STX8: variants seen among roughly 807,000 people sequenced by gnomAD.
STX8 encodes syntaxin 8.
STX8 carries 23 observed loss-of-function variants against 37.5 expected under a neutral mutation model. The ratio of observed to expected loss-of-function variants is 0.61; its 90% CI spans 0.44 to 0.87. The LOEUF is 0.87. Ranked by LOEUF, STX8 falls within the 40% of genes least tolerant of loss-of-function variation. The pLI is 0.00. For synonymous variants in STX8, 115 were observed against 99.1 expected (o/e 1.16, Z -0.95); for missense variants, 313 against 284.7 (o/e 1.10, Z -0.71).
Position 9,373,972 on chromosome 17 carries a change from G to A in STX8, c.643+4580C>T, listed in dbSNP as rs896067991. ...AAAAAAAAAAGTTCTGGACAGCCTC[G>A]GCCACGAAGTGAGACTCTATCTCTA... On this transcript the variant is annotated intron_variant, in intron 7 of 7. Transcript: ENST00000306357. 3.5e-4 allele frequency among the ~76,000 whole-genome samples: 53 copies of A among 150,202 alleles called. 1 individual carries two copies. The highest frequency in any genetic ancestry group is 1.2e-3 in the African/African-American group (48 of 40,800).
intron 6 of STX8, among the ~76,000 whole-genome samples, chr17:9,412,031 T>G (rs1912996844): frequency 6.6e-6 from 1 of 152,128 alleles, no homozygotes; most frequent in Non-Finnish European, 1.5e-5. Context: ...GTTAAATATC[T>G]TTGTCATTAT....
chr17:9,427,901 T>A (rs931665768), intron 6 of STX8, among the ~76,000 whole-genome samples: 6 of 152,212 alleles, frequency 3.9e-5, no homozygotes, highest in African/African-American at 4.8e-5. Flanking sequence ...GCTGTAACTC[T>A]ACTCCGGCAA....
At chr17:9,428,888 C>T (rs988290803) in intron 6 of STX8, among the ~76,000 whole-genome samples, 3 of 152,076 alleles carry the variant, frequency 2.0e-5, no homozygotes, top group Admixed American at 6.6e-5. Flanking sequence ...TGGACAACAC[C>T]GGTCTATTCA....
At chr17:9,433,897 A>G (rs1010498104) in intron 6 of STX8, among the ~76,000 whole-genome samples, 2 of 152,184 alleles carry the variant, frequency 1.3e-5, no homozygotes, top group Non-Finnish European at 2.9e-5. Context: ...ATCATAAGCA[A>G]GGAGAACAGC....
At chr17:9,389,596 C>T (rs895639746) in intron 6 of STX8, among the ~76,000 whole-genome samples, 2 of 152,182 alleles carry the variant, frequency 1.3e-5, no homozygotes. Flanking sequence ...CATTTTTCTA[C>T]TCTCAATTAC....
At position 9,371,338 on chromosome 17, in the gene STX8, T is replaced by C. The variant is rs182892419; in HGVS notation, c.643+7214A>G. On this transcript the variant is annotated intron_variant, in intron 7 of 7. Coordinates refer to ENST00000306357, the MANE Select transcript of STX8 (RefSeq NM_004853.3). ...GCACCCAAGTCCTCTTAAACAGTGA[T>C]AGAATTGCCCTGTGAATGGTAATTG... Among the ~76,000 whole-genome samples, 6 of 152,316 alleles carry C rather than the reference T, an allele frequency of 3.9e-5. No individual in the cohort carries two copies. The South Asian group carries it at 8.3e-4, about 21-fold the overall frequency.
rs181217971 is a variant in STX8, at chr17:9,383,069, C to T, written c.542-4416G>A. Among the ~76,000 whole-genome samples, 1,449 of 152,240 alleles carry T rather than the reference C, an allele frequency of 9.5e-3. 22 individuals carry two copies. Among genetic ancestry groups the T allele is most frequent in the African/African-American group, 0.033 (1,362 of 41,540 alleles). The stretch of plus-strand genomic sequence containing the variant: ...TAGAGAGCATCCTCATTTCTTCCAC[C>T]ATGTGAAGTTACAATGAAGACAGCT... On this transcript the variant is annotated intron_variant, in intron 6 of 7. Transcript: ENST00000306357.
Position 9,291,591 on chromosome 17 carries a change from T to C in STX8, c.644-40946A>G, listed in dbSNP as rs149727717. 4.1e-3 allele frequency among the ~76,000 whole-genome samples: 628 copies of C among 152,322 alleles called. 3 individuals are homozygous for C. The highest frequency in any genetic ancestry group is 0.014 in the African/African-American group (563 of 41,548). ...CTCAAATATGGTATTAGTTTAGGAA[T>C]TGGACATATTTTATTTACGTTCTCT... On this transcript the variant is annotated intron_variant, in intron 7 of 7. Coordinates refer to ENST00000306357, the MANE Select transcript of STX8 (RefSeq NM_004853.3).
chr17:9,441,892 G>C (rs370197594), intron 6 of STX8, among the ~76,000 whole-genome samples: 2 of 151,664 alleles, frequency 1.3e-5, no homozygotes, highest in Admixed American at 6.6e-5. Flanking sequence ...AGCCAGGATG[G>C]TCTCAATCTC....
intron 6 of STX8, among the ~76,000 whole-genome samples, chr17:9,476,836 C>A (rs1906127309): frequency 6.6e-6 from 1 of 151,738 alleles, no homozygotes; most frequent in Non-Finnish European, 1.5e-5. Context: ...GTGTCTGTGT[C>A]CCACGTGCCT....
At chr17:9,483,077 C>G (rs1906415629) in intron 6 of STX8, among the ~76,000 whole-genome samples, 1 of 152,152 alleles carries the variant, frequency 6.6e-6, no homozygotes, top group South Asian at 2.1e-4. Context: ...TGTTGCTACT[C>G]TAACAAATTA....
At chr17:9,274,678 A>AAATAAT (rs57248368) in intron 7 of STX8, among the ~76,000 whole-genome samples, 9,918 of 106,354 alleles carry the variant, frequency 0.093, 786 homozygotes, top group Non-Finnish European at 0.13. Context: ...TCTGTCTCAA[A>AAATAAT]AATAATAATA....
chr17:9,282,213 A>G lies in STX8; in HGVS notation c.644-31568T>C, dbSNP rs557024627. On this transcript the variant is annotated intron_variant, in intron 7 of 7. Coordinates refer to ENST00000306357, the MANE Select transcript of STX8 (RefSeq NM_004853.3). ...AGTGGCGTGATCTTGGCTTACTGCA[A>G]TTTTGGCTTCCCGGGTTCACGCCAT... is the stretch of plus-strand genomic sequence containing the variant. 2.6e-5 allele frequency among the ~76,000 whole-genome samples: 4 copies of G among 152,052 alleles called. No individual in the cohort carries two copies. In the South Asian group the frequency reaches 8.4e-4, roughly 32 times the overall value.
chr17:9,483,183 G>C (rs559453433), intron 6 of STX8, among the ~76,000 whole-genome samples: 2 of 151,662 alleles, frequency 1.3e-5, no homozygotes, highest in African/African-American at 4.9e-5. Flanking sequence ...AAATTGAGGC[G>C]ACCCCCGCAG....
chr17:9,421,998 A>T (rs578039705), intron 6 of STX8, among the ~76,000 whole-genome samples: 7 of 151,706 alleles, frequency 4.6e-5, no homozygotes, highest in Non-Finnish European at 1.0e-4. Context: ...TTCTGCCACG[A>T]TTCTAAGCTT....
At chr17:9,454,123 T>G (rs527759450) in intron 6 of STX8, among the ~76,000 whole-genome samples, 2 of 152,246 alleles carry the variant, frequency 1.3e-5, no homozygotes, top group Admixed American at 6.5e-5. Flanking sequence ...TTATTTCAGC[T>G]ATAGTCCTAA....
chr17:9,549,616 A>G (rs1315373089), intron 3 of STX8, among the ~76,000 whole-genome samples: 1 of 152,252 alleles, frequency 6.6e-6, no homozygotes, highest in African/African-American at 2.4e-5. Flanking sequence ...GTACGAATTC[A>G]GAATATTCCC....
At chr17:9,418,274 A>G (rs1913270126) in intron 6 of STX8, among the ~76,000 whole-genome samples, 1 of 152,138 alleles carries the variant, frequency 6.6e-6, no homozygotes, top group South Asian at 2.1e-4. Context: ...TCAGGAGGGA[A>G]AAACCTCTGA....
At chr17:9,519,183 C>A (rs1406717482) in intron 4 of STX8, among the ~76,000 whole-genome samples, 1 of 152,144 alleles carries the variant, frequency 6.6e-6, no homozygotes, top group African/African-American at 2.4e-5. Context: ...CATAATATCT[C>A]CCTACAGGTT....
Sources: allele counts gnomAD v4.1 joint callset (sites outside exome capture counted in the v4.1 genomes callset), GRCh38; gene constraint gnomAD v4.1.1; transcripts MANE v1.5; gene names NCBI Gene and HGNC (gene_info 2026-07-23, HGNC 2026-07-21).